The following FOXP3 variants were observed in gnomAD, a reference collection of about 807,000 sequenced individuals.
The protein encoded by FOXP3 is forkhead box P3, also known as forkhead box protein P3.
FOXP3 carries 5 observed loss-of-function variants against 31.2 expected under a neutral mutation model. That is an observed-to-expected ratio of 0.16 (90% CI 0.08 to 0.34). FOXP3 has a LOEUF of 0.34. Among genes scored for constraint, FOXP3 ranks in the 10% least tolerant of loss-of-function variants. FOXP3 has a pLI of 1.00. For missense variants in FOXP3, 251 were observed against 363.0 expected, an observed-to-expected ratio of 0.69 and a Z score of 2.51; for synonymous variants, 141 against 148.8, an observed-to-expected ratio of 0.95 and a Z score of 0.38.
intron 1 of FOXP3, among the ~76,000 whole-genome samples, chrX:49,259,713 G>A (rs2066098841): frequency 8.9e-6 from 1 of 111,835 alleles, no homozygotes; most frequent in African/African-American, 3.3e-5. Flanking sequence ...CTGAGAGGAA[G>A]CCAGAGCTGG....
At chrX:49,259,285 A>G in intron 1 of FOXP3, 1 of 524,423 alleles carries the variant, frequency 1.9e-6, no homozygotes. Flanking sequence ...GTAGATAGAC[A>G]TGAAGAGTCT....
rs11798996 is a variant in FOXP3 at position 49,251,014 on chromosome X, C to T, written c.*320G>A. The stretch of plus-strand genomic sequence containing the variant: ...TTTTCCAGCCCTGAAGTAATCTGTG[C>T]GAGCAGCTGAGGCAGGCTCTGTGTG... On this transcript the variant is annotated 3_prime_UTR_variant, in exon 12 of 12. Coordinates refer to ENST00000376207, the MANE Select transcript of FOXP3 (RefSeq NM_014009.4). 5.0e-5 allele frequency: 18 copies of T among 360,940 alleles called. No homozygotes were observed. Among genetic ancestry groups the T allele is most frequent in the South Asian group, 2.7e-4 (7 of 25,497 alleles). The allele number at this position is 360,940 out of a possible 1,213,427, so 29.7% of individuals were successfully genotyped here.
Position 49,258,386 on chromosome X carries a change from G to T in FOXP3, c.120C>A (p.Gly40=). 6 of 1,169,451 alleles carry T rather than the reference G, an allele frequency of 5.1e-6. No individual in the cohort carries two copies. Among genetic ancestry groups the T allele is most frequent in the Non-Finnish European group, 6.9e-6 (6 of 873,172 alleles). The change falls in exon 2 of 12, where the codon GGC becomes GGA. Residue 40 remains glycine (G), a synonymous_variant. Transcript: ENST00000376207. The part of the protein sequence containing the change: ...PKASDLLGAR[G]PGGTFQGRDL... ...CTCGGCCCTGGAAGGTTCCCCCTGG[G>T]CCCCGGGCCCCCAGCAGGTCTGAGG... is the stretch of plus-strand genomic sequence containing the variant.
chrX:49,255,448 A>G lies in FOXP3; in HGVS notation c.797T>C (p.Leu266Pro). 8.3e-7 allele frequency: 1 copy of G among 1,204,353 alleles called. No individual in the cohort carries two copies. The highest frequency in any genetic ancestry group is 1.1e-6 in the Non-Finnish European group (1 of 891,575). The change falls in exon 8 of 12, where the codon CTG becomes CCG. Residue 266 changes from leucine (L) to proline (P), a missense_variant. By Grantham distance (98) the Leu-to-Pro change is moderately conservative. Coordinates refer to ENST00000376207, the MANE Select transcript of FOXP3 (RefSeq NM_014009.4). ...GCTCACCACAGATGAAGCCTTGGTC[A>G]GTGCCATTTTCCCAGCCAGGTGGGC... Reference protein sequence around the residue: ...MQAHLAGKMALTKASSVASSD... With the variant: ...MQAHLAGKMAPTKASSVASSD...
rs2066077539 is a variant in FOXP3, at chrX:49,256,934, C to T, written c.533G>A (p.Arg178Lys). The change falls in exon 5 of 12, where the codon AGG (arginine) becomes AAG (lysine). Residue 178 changes from arginine to lysine, a missense_variant. Arg to Lys is a conservative substitution (Grantham distance 26). Coordinates refer to ENST00000376207, the MANE Select transcript of FOXP3 (RefSeq NM_014009.4). ...LCTFPNPSAPRKDSTLSAVPQ... is the reference protein window; with the variant it reads ...LCTFPNPSAPKKDSTLSAVPQ... ...AGCCCTGTCCACTGACCTGTCCTTC[C>T]TGGGTGCACTGGGATTTGGGAAGGT... 2 of 1,210,137 alleles carry T rather than the reference C, an allele frequency of 1.7e-6. No homozygotes were observed. Among genetic ancestry groups the T allele is most frequent in the Admixed American group, 2.2e-5 (1 of 45,909 alleles).
rs2066022728 is a variant in FOXP3 at position 49,250,578 on chromosome X, G to A, written c.*756C>T. ...AATGGGAGTGAGGTGAGTGGCAGGG[G>A]AGACACGGGGTATTTTTGGCAAGGC... On this transcript the variant is annotated 3_prime_UTR_variant, in exon 12 of 12. Coordinates refer to ENST00000376207, the MANE Select transcript of FOXP3 (RefSeq NM_014009.4). 2.6e-6 allele frequency: 1 copy of A among 384,958 alleles called. No individual in the cohort carries two copies. Among genetic ancestry groups the A allele is most frequent in the East Asian group, 5.2e-5 (1 of 19,092 alleles). The allele number at this position is 384,958 out of a possible 1,213,427, so 31.7% of individuals were successfully genotyped here.
At position 49,257,024 on chromosome X, in the gene FOXP3, G is replaced by A. The variant is rs367649279; in HGVS notation, c.455-12C>T. On this transcript the variant is annotated splice_polypyrimidine_tract_variant and intron_variant, in intron 4 of 11. Transcript: ENST00000376207. ...GGCCACGTTGATCCCTGTGGGTGGG[G>A]ACAGGGCACCTATGGAGGCTGTGGG... 1 of 1,189,584 alleles carries A rather than the reference G, an allele frequency of 8.4e-7. No individual in the cohort carries two copies. Among genetic ancestry groups the A allele is most frequent in the South Asian group, 1.8e-5 (1 of 55,696 alleles).
chrX:49,253,209 G>A lies in FOXP3; in HGVS notation c.968-7C>T, dbSNP rs782255694. ...TCCATGTTGTGGAGGAACTCTGTCA[G>A]AGGGTGGGGATGAATCAAGCCCCAT... is the stretch of plus-strand genomic sequence containing the variant. On this transcript the variant is annotated splice_polypyrimidine_tract_variant and splice_region_variant and intron_variant, in intron 9 of 11. Transcript: ENST00000376207. 3.1e-5 allele frequency: 37 copies of A among 1,201,806 alleles called. No individual in the cohort carries two copies. Among genetic ancestry groups the A allele is most frequent in the Non-Finnish European group, 4.0e-5 (36 of 889,474 alleles).
intron 8 of FOXP3, among the ~76,000 whole-genome samples, chrX:49,254,522 C>T (rs979733532): frequency 8.9e-6 from 1 of 111,884 alleles, no homozygotes; most frequent in Non-Finnish European, 1.9e-5. Flanking sequence ...CAGCATGAGC[C>T]GTATTTATTA....
At chrX:49,264,525 C>A (rs1263858662) in intron 1 of FOXP3, 136 bp downstream of exon 1, 9 of 226,179 alleles carry the variant, frequency 4.0e-5, no homozygotes, top group Non-Finnish European at 5.7e-5. Context: ...TTTTTAAAGA[C>A]CTTACCTGGC....
chrX:49,255,459 C>T lies in FOXP3; in HGVS notation c.786G>A (p.Gly262=). 2 of 1,204,466 alleles carry T rather than the reference C, an allele frequency of 1.7e-6. No homozygotes were observed. Among genetic ancestry groups the T allele is most frequent in the Non-Finnish European group, 1.1e-6 (1 of 891,615 alleles). The change falls in exon 8 of 12, where the codon GGG becomes GGA. Residue 262 remains glycine (G), a synonymous_variant. Transcript: ENST00000376207. ...KLSAMQAHLA[G]KMALTKASSV... ...ATGAAGCCTTGGTCAGTGCCATTTT[C>T]CCAGCCAGGTGGGCCTGCATGGCAC...
At chrX:49,258,769 G>A (rs2066092817) in intron 1 of FOXP3, among the ~76,000 whole-genome samples, 1 of 111,573 alleles carries the variant, frequency 9.0e-6, no homozygotes, top group African/African-American at 3.3e-5. Flanking sequence ...CCAGCACCTG[G>A]CTTGCCTGCC....
rs782303757 is a variant in FOXP3, at chrX:49,256,220, AAGAGAGAGAGAGAGAGAGAGAG to A, written c.648-440_648-419del. Reference sequence around the variant, plus strand: ...TGTGTGTGTGTGTGAGAGAGAGAGAAAGAGAGAGAGAGAGAGAGAGAGAGAGAGAGAGAGAGAGAGAGAGAGA... The same window carrying A: ...TGTGTGTGTGTGTGAGAGAGAGAGAAAGAGAGAGAGAGAGAGAGAGAGAGA... On this transcript the variant is annotated intron_variant, in intron 6 of 11. Transcript: ENST00000376207. 3.3e-3 allele frequency among the ~76,000 whole-genome samples: 224 copies of A among 67,021 alleles called. 3 individuals carry two copies. The highest frequency in any genetic ancestry group is 0.015 in the African/African-American group (185 of 12,415). 58.2% of individuals were successfully genotyped at this position (67,021 alleles called of 115,157 possible).
rs1398753395 is a variant in FOXP3 at position 49,257,544 on chromosome X, C to A, written c.337G>T (p.Ala113Ser). 2.5e-6 allele frequency: 3 copies of A among 1,181,846 alleles called. No individual in the cohort carries two copies. In the Admixed American group the frequency reaches 6.7e-5, roughly 26 times the overall value. The change falls in exon 4 of 12, where the codon GCC becomes TCC. Residue 113 changes from alanine (A) to serine (S), a missense_variant. Physicochemically the swap from Ala to Ser is moderately conservative, Grantham distance 99. Transcript: ENST00000376207. Reference protein sequence around the residue: ...MHQLSTVDAHARTPVLQVHPL... With the variant: ...MHQLSTVDAHSRTPVLQVHPL... ...TGCACCTGCAGCACAGGGGTCCGGG[C>A]GTGGGCATCCACCGTTGAGAGCTGG...
chrX:49,254,950 T>G (rs1311079096), intron 8 of FOXP3, among the ~76,000 whole-genome samples: 1 of 108,216 alleles, frequency 9.2e-6, no homozygotes, highest in Non-Finnish European at 1.9e-5. Context: ...AGAGGGTTTT[T>G]TTTTTTTTTT....
intron 1 of FOXP3, 108 bp from the exon 2 acceptor site, chrX:49,258,635 G>C: frequency 4.7e-6 from 3 of 633,217 alleles, no homozygotes; most frequent in Non-Finnish European, 7.0e-6. Flanking sequence ...GCATTGGCTG[G>C]GACATGTCCC....
intron 7 of FOXP3, 34 bp downstream of exon 7, chrX:49,255,681 C>T: frequency 8.5e-7 from 1 of 1,181,688 alleles, no homozygotes; most frequent in Non-Finnish European, 1.1e-6. Flanking sequence ...TGCGCACTAT[C>T]CCTATCCCTT....
chrX:49,251,806 CT>C (rs2066034322), intron 10 of FOXP3, 41 bp from the exon 11 acceptor site: 2 of 1,190,054 alleles, frequency 1.7e-6, no homozygotes, highest in Admixed American at 2.2e-5. Flanking sequence ...ATTCCCCAAA[CT>C]TGGGGTTTAG....
chrX:49,264,435 T>C (rs976721746), intron 1 of FOXP3, among the ~76,000 whole-genome samples: 2 of 112,588 alleles, frequency 1.8e-5, no homozygotes, highest in Non-Finnish European at 3.8e-5. Flanking sequence ...TACGTATCAA[T>C]TGATGAATTC....
Sources: gnomAD v4.1 joint callset for allele counts (sites outside exome capture counted in the v4.1 genomes callset) on GRCh38, gnomAD v4.1.1 for gene constraint, MANE v1.5 for transcripts, NCBI Gene and HGNC (gene_info 2026-07-23, HGNC 2026-07-21) for gene names.